The following DEFB109B variants were observed in gnomAD, a reference collection of about 807,000 sequenced individuals.
DEFB109B encodes beta-defensin 109B.
rs1453010938 is a variant in DEFB109B, at chr8:7,313,696, A to G, written n.58+793A>G. ...AGCATGCATTTTGGGGGCTTTTGGA[A>G]AAAAAAAACAGCATAATAAACCTAA... On this transcript the variant is annotated intron_variant and non_coding_transcript_variant, in intron 1 of 1. Transcript: ENST00000382656. Among the ~76,000 whole-genome samples, 83 of 134,800 alleles carry G rather than the reference A, an allele frequency of 6.2e-4. 7 individuals are homozygous for G. The highest frequency in any genetic ancestry group is 2.2e-3 in the African/African-American group (59 of 26,248). The allele number at this position is 134,800 out of a possible 152,430, so 88.4% of individuals were successfully genotyped here.
intron 1 of DEFB109B, among the ~76,000 whole-genome samples, chr8:7,313,783 A>G (rs1395761638): frequency 3.0e-5 from 4 of 131,928 alleles, no homozygotes; most frequent in Non-Finnish European, 6.0e-5. Context: ...GAGAAAAAAC[A>G]GTATTTTAAA....
At chr8:7,315,283 C>T (rs1010678032) in intron 1 of DEFB109B, among the ~76,000 whole-genome samples, 5 of 128,444 alleles carry the variant, frequency 3.9e-5, no homozygotes, top group Admixed American at 3.6e-4. Context: ...TTTGGGAGGC[C>T]GAGGCCGGCA....
chr8:7,313,734 GA>G (rs1563239961), intron 1 of DEFB109B, among the ~76,000 whole-genome samples: 1 of 140,530 alleles, frequency 7.1e-6, no homozygotes, highest in South Asian at 2.1e-4. Flanking sequence ...AAGATAAAGG[GA>G]AAATTATAAA....
intron 1 of DEFB109B, among the ~76,000 whole-genome samples, chr8:7,315,457 C>G (rs1802850003): frequency 7.4e-6 from 1 of 135,900 alleles, no homozygotes; most frequent in African/African-American, 3.5e-5. Context: ...CGAGATCGTG[C>G]CATTGCACTC....
intron 1 of DEFB109B, among the ~76,000 whole-genome samples, chr8:7,315,749 C>T (rs1585315686): frequency 1.4e-5 from 2 of 142,032 alleles, no homozygotes; most frequent in Admixed American, 1.4e-4. Context: ...TGTGTGGATC[C>T]GTTCTTTTTT....
intron 1 of DEFB109B, among the ~76,000 whole-genome samples, chr8:7,316,929 C>A (rs1414072494): frequency 8.5e-6 from 1 of 117,222 alleles, no homozygotes; most frequent in Admixed American, 8.2e-5. Context: ...GCATGAGCCA[C>A]CATGCCCAGC....
chr8:7,313,748 C>A, intron 1 of DEFB109B, among the ~76,000 whole-genome samples: 2 of 136,924 alleles, frequency 1.5e-5, no homozygotes, highest in Non-Finnish European at 1.5e-5. Context: ...ATTATAAATA[C>A]AAAATATAAA....
At chr8:7,315,567 C>T (rs1390377296) in intron 1 of DEFB109B, among the ~76,000 whole-genome samples, 3 of 131,660 alleles carry the variant, frequency 2.3e-5, no homozygotes, top group Non-Finnish European at 4.6e-5. Context: ...AGCATTAAAT[C>T]ATTAGTGAGT....
intron 1 of DEFB109B, among the ~76,000 whole-genome samples, chr8:7,317,731 GGT>G (rs1803050772): frequency 4.7e-5 from 1 of 21,472 alleles, no homozygotes; most frequent in African/African-American, 3.2e-4. Context: ...AGGTATAGAA[GGT>G]GAGAGGAAAC....
At chr8:7,310,581 CTG>C (rs373636252), upstream of DEFB109B, among the ~76,000 whole-genome samples, 240 of 131,392 alleles carry the variant, frequency 1.8e-3, 17 homozygotes, top group African/African-American at 3.9e-3. Flanking sequence ...TTAGGTAATA[CTG>C]TGTGTGTGTG....
rs1238570464 is a variant in DEFB109B, at chr8:7,319,000, A to G, written n.59-746A>G. 7 of 145,788 alleles carry G rather than the reference A, an allele frequency of 4.8e-5. 1 individual carries two copies. The highest frequency in any genetic ancestry group is 1.4e-4 in the African/African-American group (5 of 35,482). The allele number at this position is 145,788 out of a possible 1,614,324, so 9.0% of individuals were successfully genotyped here. A position where few individuals can be genotyped will look rare whatever the true frequency, so the allele number is the denominator to read the frequency against. On this transcript the variant is annotated intron_variant and non_coding_transcript_variant, in intron 1 of 1. Coordinates refer to ENST00000382656, the Ensembl canonical transcript of DEFB109B. ...TAGATCAAATCTAAATATGGAGAGA[A>G]AAAGTAATTTCTACTTATGTTTAAA...
Position 7,319,678 on chromosome 8 carries a change from T to C in DEFB109B, n.59-68T>C, listed in dbSNP as rs1025279082. The C allele has an allele frequency of 2.0e-5, 3 of 147,406 alleles. 1 individual carries two copies. The highest frequency in any genetic ancestry group is 8.5e-5 in the African/African-American group (3 of 35,492). The allele number at this position is 147,406 out of a possible 1,614,324, so 9.1% of individuals were successfully genotyped here. A position where few individuals can be genotyped will look rare whatever the true frequency, so the allele number is the denominator to read the frequency against. On this transcript the variant is annotated intron_variant and non_coding_transcript_variant, in intron 1 of 1. Coordinates refer to ENST00000382656, the Ensembl canonical transcript of DEFB109B. ...GTTCATACTAAATTTATTCTGTTAC[T>C]TAAGAGTGTTTATGGATTTACATTC...
intron 1 of DEFB109B, among the ~76,000 whole-genome samples, chr8:7,315,511 A>G (rs189941321): frequency 0.023 from 3,114 of 133,968 alleles, 570 homozygotes; most frequent in African/African-American, 0.1. Flanking sequence ...AAAAAAAAAA[A>G]AAGAAGAAGA....
At chr8:7,309,659 T>A (rs1802499712), upstream of DEFB109B, among the ~76,000 whole-genome samples, 1 of 147,818 alleles carries the variant, frequency 6.8e-6, no homozygotes, top group Non-Finnish European at 1.5e-5. Flanking sequence ...ACAGACATGG[T>A]TTTGGTGATT....
intron 1 of DEFB109B, among the ~76,000 whole-genome samples, chr8:7,315,858 G>C (rs1489227006): frequency 2.9e-5 from 4 of 140,208 alleles, no homozygotes; most frequent in Admixed American, 2.7e-4. Context: ...AGATTATCCA[G>C]CTTATTCTTT....
intron 1 of DEFB109B, among the ~76,000 whole-genome samples, chr8:7,313,240 C>A (rs1394295367): frequency 1.4e-5 from 2 of 145,176 alleles, no homozygotes; most frequent in African/African-American, 2.8e-5. Context: ...CAATGAGATG[C>A]CTTTGCGGGA....
intron 1 of DEFB109B, among the ~76,000 whole-genome samples, chr8:7,315,450 G>T (rs576424645): frequency 7.4e-6 from 1 of 134,968 alleles, no homozygotes; most frequent in African/African-American, 3.6e-5. Flanking sequence ...GGTGAGCCGA[G>T]ATCGTGCCAT....
intron 1 of DEFB109B, 117 bp from the exon 2 acceptor site, chr8:7,319,629 T>C (rs1001404474): frequency 7.0e-6 from 1 of 143,424 alleles, no homozygotes; most frequent in Non-Finnish European, 1.5e-5. Flanking sequence ...GCAGCAACCA[T>C]GTCAAGAGCT....
upstream of DEFB109B, among the ~76,000 whole-genome samples, chr8:7,310,589 G>C (rs1802565265): frequency 7.1e-6 from 1 of 141,558 alleles, no homozygotes; most frequent in East Asian, 1.9e-4. Context: ...TACTGTGTGT[G>C]TGTGTGTGTG....
Sources: allele counts gnomAD v4.1 joint callset (sites outside exome capture counted in the v4.1 genomes callset), GRCh38; gene constraint gnomAD v4.1.1; transcripts MANE v1.5; gene names NCBI Gene and HGNC (gene_info 2026-07-23, HGNC 2026-07-21).